The following DCLK1 variants were observed in gnomAD, a reference collection of about 807,000 sequenced individuals.
DCLK1 encodes the protein serine/threonine-protein kinase DCLK1.
Under a neutral mutation model 86.2 loss-of-function variants are expected in DCLK1, and 16 were observed. The observed-to-expected ratio is 0.19, with a 90% CI of 0.13 to 0.28. The LOEUF is 0.28. Among genes scored for constraint, DCLK1 ranks in the 10% least tolerant of loss-of-function variants. The pLI is 1.00. For missense variants in DCLK1, 590 were observed against 940.2 expected, an observed-to-expected ratio of 0.63 and a Z score of 4.87; for synonymous variants, 369 against 370.5, an observed-to-expected ratio of 1.00 and a Z score of 0.05.
intron 4 of DCLK1, among the ~76,000 whole-genome samples, chr13:35,903,511 A>C (rs569036847): frequency 6.6e-6 from 1 of 152,324 alleles, no homozygotes; most frequent in African/African-American, 2.4e-5. Context: ...CAAATTATAA[A>C]GTTATAACAT....
chr13:35,970,596 A>G (rs1879015381), intron 3 of DCLK1, among the ~76,000 whole-genome samples: 1 of 152,122 alleles, frequency 6.6e-6, no homozygotes, highest in African/African-American at 2.4e-5. Flanking sequence ...CTCTTCTGCC[A>G]TGTGAAGAAT....
chr13:35,874,615 A>T (rs535397592), intron 4 of DCLK1, among the ~76,000 whole-genome samples: 96 of 152,166 alleles, frequency 6.3e-4, no homozygotes, highest in East Asian at 2.7e-3. Context: ...TCTGTTTTTT[A>T]AAAAAAAGAA....
chr13:35,792,876 A>C (rs537906393), intron 16 of DCLK1, among the ~76,000 whole-genome samples: 1 of 152,320 alleles, frequency 6.6e-6, no homozygotes, highest in South Asian at 2.1e-4. Flanking sequence ...TTGGGTGTTC[A>C]CAGTAATTCA....
rs2086305903 is a variant in DCLK1 at position 35,770,256 on chromosome 13, A to G, written c.*4279T>C. On this transcript the variant is annotated 3_prime_UTR_variant, in exon 17 of 17. Coordinates refer to ENST00000360631, the MANE Select transcript of DCLK1 (RefSeq NM_001330071.2). Reference sequence around the variant, plus strand: ...GAACCAATTTTTAAAGCACATTTGCAGTTATCAAATGTTTAGTGTGTCCTC... The same window carrying G: ...GAACCAATTTTTAAAGCACATTTGCGGTTATCAAATGTTTAGTGTGTCCTC... The G allele has an allele frequency of 6.6e-6, 1 of 152,234 alleles. No homozygotes were observed. Among genetic ancestry groups the G allele is most frequent in the African/African-American group, 2.4e-5 (1 of 41,458 alleles). The allele number at this position is 152,234 out of a possible 1,614,324, so 9.4% of individuals were successfully genotyped here. A position where few individuals can be genotyped will look rare whatever the true frequency, so the allele number is the denominator to read the frequency against.
At chr13:36,120,378 A>G (rs140008414) in intron 2 of DCLK1, among the ~76,000 whole-genome samples, 45 of 152,254 alleles carry the variant, frequency 3.0e-4, no homozygotes, top group African/African-American at 1.1e-3. Context: ...ATGTCTAGAG[A>G]TGTTTAGATA....
chr13:36,079,917 G>C (rs891301409), intron 3 of DCLK1, among the ~76,000 whole-genome samples: 4 of 152,136 alleles, frequency 2.6e-5, no homozygotes, highest in African/African-American at 9.7e-5. Flanking sequence ...GAATTTTTCA[G>C]ACTTTAGAAA....
chr13:35,958,313 T>TACC (rs1878249554), intron 3 of DCLK1, among the ~76,000 whole-genome samples: 2 of 208 alleles, frequency 9.6e-3, no homozygotes, highest in South Asian at 0.1. Context: ...TAAACACCAC[T>TACC]ACCACCACCA....
intron 3 of DCLK1, among the ~76,000 whole-genome samples, chr13:36,080,475 G>C (rs540360749): frequency 1.3e-5 from 2 of 152,288 alleles, no homozygotes; most frequent in South Asian, 4.1e-4. Flanking sequence ...GGAAATATTC[G>C]TCAAGGTCAA....
At chr13:35,789,176 C>T (rs575553442) in intron 16 of DCLK1, among the ~76,000 whole-genome samples, 60 of 152,238 alleles carry the variant, frequency 3.9e-4, no homozygotes, top group African/African-American at 1.4e-3. Flanking sequence ...CGAGAGGATG[C>T]GACTTGGACA....
chr13:35,882,556 T>C (rs1311167304), intron 4 of DCLK1, among the ~76,000 whole-genome samples: 1 of 152,210 alleles, frequency 6.6e-6, no homozygotes, highest in Non-Finnish European at 1.5e-5. Context: ...AGAATATCCT[T>C]AGAGTAGCCT....
At chr13:35,888,979 A>G (rs1052535543) in intron 4 of DCLK1, among the ~76,000 whole-genome samples, 2 of 151,996 alleles carry the variant, frequency 1.3e-5, no homozygotes, top group African/African-American at 4.8e-5. Context: ...TCAATCTCAC[A>G]TGGCAGAATT....
intron 2 of DCLK1, 85 bp from the exon 3 acceptor site, chr13:36,112,300 G>A (rs1885646417): frequency 9.4e-7 from 1 of 1,065,892 alleles, no homozygotes; most frequent in Admixed American, 2.9e-5. Context: ...TGCCTTTTCT[G>A]CTTAGGGGCA....
intron 3 of DCLK1, among the ~76,000 whole-genome samples, chr13:36,108,226 A>G (rs1885474485): frequency 6.6e-6 from 1 of 152,188 alleles, no homozygotes; most frequent in Admixed American, 6.5e-5. Flanking sequence ...CATTTGCTGA[A>G]GCTTCAGTGC....
intron 3 of DCLK1, among the ~76,000 whole-genome samples, chr13:36,013,798 T>C (rs1456436142): frequency 6.6e-6 from 1 of 152,194 alleles, no homozygotes; most frequent in Admixed American, 6.5e-5. Context: ...TAAGCAAGCC[T>C]GGGCAATGGC....
intron 3 of DCLK1, among the ~76,000 whole-genome samples, chr13:35,996,437 T>A (rs576277533): frequency 6.6e-6 from 1 of 152,338 alleles, no homozygotes; most frequent in South Asian, 2.1e-4. Flanking sequence ...TCTGCACATT[T>A]CTTTGAGGGT....
chr13:35,918,892 G>GTTTTTTGTTTTTTTTTTTTTT (rs1875603140), intron 4 of DCLK1, among the ~76,000 whole-genome samples: 1 of 76,310 alleles, frequency 1.3e-5, no homozygotes, highest in African/African-American at 4.4e-5. Context: ...TTCTGAGTGT[G>GTTTTTTGTTTTTTTTTTTTTT]TTTTTTTTTT....
intron 3 of DCLK1, among the ~76,000 whole-genome samples, chr13:36,062,111 A>T (rs1883572412): frequency 6.6e-6 from 1 of 152,148 alleles, no homozygotes. Flanking sequence ...TTATATAAAT[A>T]AATGTGGGTG....
At chr13:35,786,882 A>AGAAAATTT (rs2086632805) in intron 16 of DCLK1, among the ~76,000 whole-genome samples, 3 of 152,158 alleles carry the variant, frequency 2.0e-5, no homozygotes, top group African/African-American at 7.2e-5. Flanking sequence ...ATAGCCTTCT[A>AGAAAATTT]TGTCAAAATG....
intron 4 of DCLK1, among the ~76,000 whole-genome samples, chr13:35,874,229 G>A (rs1192143623): frequency 6.6e-6 from 1 of 151,338 alleles, no homozygotes; most frequent in East Asian, 1.9e-4. Flanking sequence ...TATATATTCT[G>A]AATTGCTTTA....
Sources: allele counts gnomAD v4.1 joint callset (sites outside exome capture counted in the v4.1 genomes callset), GRCh38; gene constraint gnomAD v4.1.1; transcripts MANE v1.5; gene names NCBI Gene and HGNC (gene_info 2026-07-23, HGNC 2026-07-21).